Variants in KIAA1217 observed in about 807,000 individuals in gnomAD.
KIAA1217 encodes sickle tail protein homolog.
KIAA1217 carries 88 observed loss-of-function variants against 163.9 expected under a neutral mutation model. That is an observed-to-expected ratio of 0.54 (90% CI 0.45 to 0.64). The LOEUF (loss-of-function observed/expected upper bound fraction) is 0.64, where lower values mean the gene tolerates loss of function less well. KIAA1217 is among the 30% of genes least tolerant of loss of function. KIAA1217 has a pLI of 0.00. For synonymous variants in KIAA1217, 903 were observed against 923.1 expected, an observed-to-expected ratio of 0.98 and a Z score of 0.39; for missense variants, 2,372 against 2,475.0, an observed-to-expected ratio of 0.96 and a Z score of 0.88.
chr10:23,740,846 T>C (rs948670464), intron 1 of KIAA1217, among the ~76,000 whole-genome samples: 2 of 151,836 alleles, frequency 1.3e-5, no homozygotes, highest in Middle Eastern at 3.2e-3. Context: ...GAGAATTGCT[T>C]GAACCAGGGA....
chr10:24,208,342 A>G (rs1194039420), upstream of KIAA1217, among the ~76,000 whole-genome samples: 1 of 150,544 alleles, frequency 6.6e-6, no homozygotes, highest in Non-Finnish European at 1.5e-5. Flanking sequence ...TGACTTTACT[A>G]GTTTACCTTT....
chr10:24,166,050 G>T (rs918775663), intron 2 of KIAA1217, among the ~76,000 whole-genome samples: 23 of 152,146 alleles, frequency 1.5e-4, no homozygotes, highest in Non-Finnish European at 2.6e-4. Context: ...AGAGAGAAAA[G>T]GATTAAAAAC....
At chr10:24,369,801 C>G (rs1021078047) in intron 2 of KIAA1217, among the ~76,000 whole-genome samples, 1 of 152,202 alleles carries the variant, frequency 6.6e-6, no homozygotes, top group Non-Finnish European at 1.5e-5. Flanking sequence ...TCCTGACTTT[C>G]TGAATTACAA....
At chr10:24,266,204 G>A (rs2076220686) in intron 2 of KIAA1217, among the ~76,000 whole-genome samples, 1 of 151,544 alleles carries the variant, frequency 6.6e-6, no homozygotes. Context: ...TCAGCCTCCT[G>A]AGTAGCTAGG....
intron 2 of KIAA1217, among the ~76,000 whole-genome samples, chr10:24,363,810 ACTCAGCCCAC>A (rs2050363653): frequency 6.6e-6 from 1 of 151,764 alleles, no homozygotes. Context: ...GACCTCAAGC[ACTCAGCCCAC>A]CTTAGCCTCC....
chr10:23,704,170 GTGTATATA>G (rs1192688281), intron 1 of KIAA1217, among the ~76,000 whole-genome samples: 131 of 54,104 alleles, frequency 2.4e-3, no homozygotes, highest in South Asian at 0.021. Flanking sequence ...GTGTGTGTGT[GTGTATATA>G]TATATATATA....
chr10:24,078,647 A>G (rs1308154850), intron 2 of KIAA1217, among the ~76,000 whole-genome samples: 1 of 152,160 alleles, frequency 6.6e-6, no homozygotes, highest in African/African-American at 2.4e-5. Flanking sequence ...TGATGTCTAA[A>G]TTTCTTTTGG....
At chr10:24,089,342 T>C (rs2061836058) in intron 2 of KIAA1217, among the ~76,000 whole-genome samples, 1 of 125,696 alleles carries the variant, frequency 8.0e-6, no homozygotes, top group Non-Finnish European at 2.0e-5. Flanking sequence ...GCCATTGCTT[T>C]TGGTGTTTTA....
intron 2 of KIAA1217, among the ~76,000 whole-genome samples, chr10:24,245,318 C>T (rs991839142): frequency 2.0e-4 from 31 of 152,256 alleles, no homozygotes; most frequent in Middle Eastern, 3.4e-3. Context: ...CTGTGGTCTC[C>T]GCCCTGGCTG....
chr10:23,841,595 C>A (rs1229397062), intron 1 of KIAA1217, among the ~76,000 whole-genome samples: 1 of 149,456 alleles, frequency 6.7e-6, no homozygotes, highest in African/African-American at 2.5e-5. Flanking sequence ...TTTTCATTTT[C>A]TTCTAGGAAT....
chr10:24,035,150 T>C (rs1848340817), intron 2 of KIAA1217, among the ~76,000 whole-genome samples: 1 of 152,194 alleles, frequency 6.6e-6, no homozygotes, highest in Non-Finnish European at 1.5e-5. Flanking sequence ...CGTGAGATCT[T>C]GGGTGAGTTT....
rs374824948 is a variant in KIAA1217, at chr10:24,473,581, C to T, written c.1200C>T (p.His400=). ...EGFYADPYLY[H]EGRMSIASSH... ...TCTATGCTGATCCTTACCTTTATCACGAGGGACGGATGAGCATAGCCTCAT... is the reference window on the plus strand; with the variant it reads ...TCTATGCTGATCCTTACCTTTATCATGAGGGACGGATGAGCATAGCCTCAT... The change falls in exon 6 of 21, where the codon CAC becomes CAT. Residue 400 remains histidine, a synonymous_variant. Transcript: ENST00000376454. 1.0e-4 allele frequency: 169 copies of T among 1,613,968 alleles called. 1 individual carries two copies. The highest frequency in any genetic ancestry group is 1.2e-4 in the Non-Finnish European group (140 of 1,180,016).
chr10:24,166,255 G>A lies in KIAA1217; in HGVS notation c.-170-53371G>A, dbSNP rs1221444021. 2.0e-5 allele frequency among the ~76,000 whole-genome samples: 3 copies of A among 151,942 alleles called. No homozygotes were observed. In the East Asian group the frequency reaches 5.8e-4, roughly 29 times the overall value. On this transcript the variant is annotated intron_variant, in intron 2 of 18. Transcript: ENST00000376462. ...CACCTGTGAGATTGTTTCTGAGTGG[G>A]CGTACAACCTAGGAAGGCATTTCCT...
chr10:23,868,120 C>T (rs773492923), intron 1 of KIAA1217, among the ~76,000 whole-genome samples: 13 of 152,074 alleles, frequency 8.5e-5, no homozygotes, highest in Non-Finnish European at 1.2e-4. Flanking sequence ...TGAATGCGCC[C>T]GATCTCGTCT....
At chr10:24,527,520 A>C (rs922519134) in intron 13 of KIAA1217, among the ~76,000 whole-genome samples, 1 of 150,492 alleles carries the variant, frequency 6.6e-6, no homozygotes, top group Non-Finnish European at 1.5e-5. Context: ...AAAATTAGCC[A>C]TGTGTGGTGG....
At chr10:23,726,958 CCATGCCA>C in intron 1 of KIAA1217, among the ~76,000 whole-genome samples, 1 of 147,754 alleles carries the variant, frequency 6.8e-6, no homozygotes, top group Non-Finnish European at 1.5e-5. Flanking sequence ...CATGCCATTT[CCATGCCA>C]TTTGTATAGG....
intron 1 of KIAA1217, among the ~76,000 whole-genome samples, chr10:23,934,772 C>T (rs1209282487): frequency 1.3e-5 from 2 of 150,364 alleles, no homozygotes; most frequent in African/African-American, 4.9e-5. Flanking sequence ...CACCCGCCAC[C>T]ACACCCGGCT....
intron 2 of KIAA1217, among the ~76,000 whole-genome samples, chr10:24,246,277 C>G (rs1030030249): frequency 6.6e-6 from 1 of 152,172 alleles, no homozygotes; most frequent in Non-Finnish European, 1.5e-5. Flanking sequence ...GTGGCCCCAT[C>G]ATAGATAAAC....
intron 2 of KIAA1217, among the ~76,000 whole-genome samples, chr10:24,221,453 C>T (rs930336465): frequency 6.6e-6 from 1 of 152,098 alleles, no homozygotes; most frequent in Non-Finnish European, 1.5e-5. Context: ...CAGTTAGGTG[C>T]AAAAATTATG....
Sources: allele counts gnomAD v4.1 joint callset (sites outside exome capture counted in the v4.1 genomes callset), GRCh38; gene constraint gnomAD v4.1.1; transcripts MANE v1.5; gene names NCBI Gene and HGNC (gene_info 2026-07-23, HGNC 2026-07-21).